The following SLC45A4 variants were observed in gnomAD, a reference collection of about 807,000 sequenced individuals.
The protein encoded by SLC45A4 is solute carrier family 45 member 4.
In SLC45A4, 32 loss-of-function variants were observed where a neutral mutation model predicts 63.7. That is an observed-to-expected ratio of 0.50 (90% CI 0.38 to 0.67). SLC45A4 has a LOEUF of 0.67. SLC45A4 is among the 30% of genes least tolerant of loss of function. SLC45A4 has a pLI of 0.00. For synonymous variants in SLC45A4, 535 were observed against 510.0 expected (o/e 1.05, Z -0.66); for missense variants, 1,027 against 1,157.7 (o/e 0.89, Z 1.64).
chr8:141,217,981 G>C (rs753422800), intron 5 of SLC45A4, 30 bp downstream of exon 5: 2 of 245,676 alleles, frequency 8.1e-6, no homozygotes, highest in African/African-American at 2.6e-4. Flanking sequence ...GGCAGAGAGA[G>C]CGGCCCCGCT....
Position 141,210,659 on chromosome 8 carries a change from AATAT to A in SLC45A4, c.*909_*912del, listed in dbSNP as rs1825754381. On this transcript the variant is annotated 3_prime_UTR_variant, in exon 9 of 9. Transcript: ENST00000517878. Reference sequence around the variant, plus strand: ...AAAAACTGCTTTAGTTTCATCTTGAAATATATATACGTGTATATATATATTTGCT... The same window carrying A: ...AAAAACTGCTTTAGTTTCATCTTGAAATATACGTGTATATATATATTTGCT... 1 of 152,218 alleles carries A rather than the reference AATAT, an allele frequency of 6.6e-6. No individual in the cohort carries two copies. Among genetic ancestry groups the A allele is most frequent in the African/African-American group, 2.4e-5 (1 of 41,442 alleles). 9.4% of individuals were successfully genotyped at this position (152,218 alleles called of 1,614,324 possible).
intron 1 of SLC45A4, among the ~76,000 whole-genome samples, chr8:141,289,549 T>C (rs1402987754): frequency 1.3e-5 from 2 of 152,066 alleles, no homozygotes; most frequent in African/African-American, 4.8e-5. Context: ...TTTGTACAAA[T>C]GGGTATGACT....
intron 1 of SLC45A4, among the ~76,000 whole-genome samples, chr8:141,289,467 T>C (rs1197326625): frequency 6.6e-6 from 1 of 152,170 alleles, no homozygotes; most frequent in Non-Finnish European, 1.5e-5. Flanking sequence ...AGGATTCTAA[T>C]CTTTCAGGGC....
At chr8:141,298,857 G>A (rs1830648998) in intron 1 of SLC45A4, among the ~76,000 whole-genome samples, 1 of 152,126 alleles carries the variant, frequency 6.6e-6, no homozygotes, top group South Asian at 2.1e-4. Flanking sequence ...AGGCATGGAG[G>A]GCACTGCTGC....
intron 2 of SLC45A4, chr8:141,228,080 G>A: frequency 1.4e-6 from 2 of 1,426,294 alleles, no homozygotes; most frequent in East Asian, 2.3e-5. Context: ...GAGCTGTGTG[G>A]AGTGGAGCTG....
At chr8:141,308,021 C>T (rs1252937304) in intron 1 of SLC45A4, 75 bp downstream of exon 1, 1 of 152,620 alleles carries the variant, frequency 6.6e-6, no homozygotes, top group Non-Finnish European at 1.5e-5. Context: ...GGTGGGGAGG[C>T]TGCAGGTGCC....
intron 1 of SLC45A4, among the ~76,000 whole-genome samples, chr8:141,307,226 G>C (rs1830924841): frequency 6.6e-6 from 1 of 152,350 alleles, no homozygotes; most frequent in South Asian, 2.1e-4. Flanking sequence ...ACCTGGGGGA[G>C]GAACGGGTTA....
At position 141,212,299 on chromosome 8, in the gene SLC45A4, C is replaced by A; in HGVS notation, c.2199G>T (p.Pro733=). Residue 733 remains proline (P), a synonymous_variant, in exon 8 of 9, where the codon CCG becomes CCT. Coordinates refer to ENST00000517878, the MANE Select transcript of SLC45A4 (RefSeq NM_001286646.2). The stretch of plus-strand genomic sequence containing the variant: ...CACCGGCCCTGCCTTCGCCGGCCAA[C>A]GGGGAAGACAGGCCTTTCTGCTCCT... The part of the protein sequence containing the change: ...AKEEQKGLSS[P]LAGEGRAGGN... 6.2e-7 allele frequency: 1 copy of A among 1,608,258 alleles called. No homozygotes were observed. Among genetic ancestry groups the A allele is most frequent in the Admixed American group, 1.7e-5 (1 of 59,754 alleles).
intron 1 of SLC45A4, among the ~76,000 whole-genome samples, chr8:141,303,136 C>A (rs1830798742): frequency 6.6e-6 from 1 of 151,114 alleles, no homozygotes; most frequent in African/African-American, 2.4e-5. Context: ...TAGTTGGGAC[C>A]ACTGATGTGA....
Position 141,308,270 on chromosome 8 carries a change from G to C in SLC45A4, c.-575C>G, listed in dbSNP as rs1157319693. On this transcript the variant is annotated 5_prime_UTR_variant, in exon 1 of 9. Coordinates refer to ENST00000517878, the MANE Select transcript of SLC45A4 (RefSeq NM_001286646.2). ...GGTCAGTCAGCGACGCGGGCGCGGA[G>C]AGAGCGCTGCGAGGCTGCGGCCGGC... 6.8e-6 allele frequency: 1 copy of C among 147,730 alleles called. No individual in the cohort carries two copies. The highest frequency in any genetic ancestry group is 2.4e-5 in the African/African-American group (1 of 40,960). 9.2% of individuals were successfully genotyped at this position (147,730 alleles called of 1,614,324 possible). A position where few individuals can be genotyped will look rare whatever the true frequency, so the allele number is the denominator to read the frequency against.
intron 2 of SLC45A4, among the ~76,000 whole-genome samples, chr8:141,244,953 TGGGTGGG>T: frequency 3.6e-5 from 1 of 27,762 alleles, no homozygotes; most frequent in East Asian, 4.5e-4. Flanking sequence ...CAAGAAGACG[TGGGTGGG>T]GGGGGGGGGC....
Position 141,295,376 on chromosome 8 carries a change from G to C in SLC45A4, c.-401+12720C>G, listed in dbSNP as rs143047153. ...CCAAGGGCACCAGGCGGAACTCCCA[G>C]GGCCGCCACCTTCAAGTTAGGCTCA... On this transcript the variant is annotated intron_variant, in intron 1 of 8. Transcript: ENST00000517878. Among the ~76,000 whole-genome samples, 1,085 of 152,354 alleles carry C rather than the reference G, an allele frequency of 7.1e-3. 21 individuals are homozygous for C. Among genetic ancestry groups the C allele is most frequent in the African/African-American group, 0.025 (1,037 of 41,580 alleles).
intron 1 of SLC45A4, among the ~76,000 whole-genome samples, chr8:141,257,284 A>G (rs1828840832): frequency 6.6e-6 from 1 of 152,102 alleles, no homozygotes. Flanking sequence ...AAATTTCACG[A>G]TTTTCCCTGT....
intron 2 of SLC45A4, among the ~76,000 whole-genome samples, chr8:141,247,596 G>A (rs184420603): frequency 1.4e-4 from 21 of 152,184 alleles, no homozygotes; most frequent in African/African-American, 4.8e-4. Flanking sequence ...TTCTTTTTTA[G>A]AAACGAGGTC....
intron 2 of SLC45A4, chr8:141,228,513 T>C: frequency 7.6e-7 from 1 of 1,316,018 alleles, no homozygotes; most frequent in South Asian, 1.8e-5. Context: ...CTGTCTTCAC[T>C]GGCCAGCTCC....
chr8:141,281,324 G>A (rs1338014785), intron 1 of SLC45A4, among the ~76,000 whole-genome samples: 1 of 152,210 alleles, frequency 6.6e-6, no homozygotes, highest in Non-Finnish European at 1.5e-5. Context: ...GGGTGACAGA[G>A]CAAGACTCCA....
intron 2 of SLC45A4, 53 bp downstream of exon 2, chr8:141,253,936 T>G: frequency 6.5e-7 from 1 of 1,527,004 alleles, no homozygotes; most frequent in Non-Finnish European, 8.8e-7. Flanking sequence ...CCACGCCCAG[T>G]CCGCTAGCAC....
intron 1 of SLC45A4, among the ~76,000 whole-genome samples, chr8:141,297,673 G>A (rs1333438910): frequency 6.6e-6 from 1 of 152,234 alleles, no homozygotes; most frequent in African/African-American, 2.4e-5. Context: ...CCGGCCAGTG[G>A]CCATGCCACA....
chr8:141,220,716 G>A (rs1826566091), intron 3 of SLC45A4, among the ~76,000 whole-genome samples: 2 of 152,236 alleles, frequency 1.3e-5, no homozygotes, highest in African/African-American at 4.8e-5. Context: ...ACGGGCAGGC[G>A]ACGGCTCCGA....
Sources: gnomAD v4.1 joint callset for allele counts (sites outside exome capture counted in the v4.1 genomes callset) on GRCh38, gnomAD v4.1.1 for gene constraint, MANE v1.5 for transcripts, NCBI Gene and HGNC (gene_info 2026-07-23, HGNC 2026-07-21) for gene names.